Variants in FAM169A observed in about 807,000 individuals in gnomAD.
FAM169A encodes the protein soluble lamin-associated protein of 75 kDa.
FAM169A carries 24 observed loss-of-function variants against 75.7 expected under a neutral mutation model. The ratio of observed to expected loss-of-function variants is 0.32; its 90% CI spans 0.23 to 0.45. The LOEUF (loss-of-function observed/expected upper bound fraction) is 0.45, where lower values mean the gene tolerates loss of function less well. Among genes scored for constraint, FAM169A ranks in the 20% least tolerant of loss-of-function variants. The probability of loss-of-function intolerance (pLI) is 1.00; values close to 1 mark genes in which losing one functional copy is unlikely to be tolerated. For missense variants in FAM169A, 673 were observed against 784.0 expected (o/e 0.86, Z 1.69); for synonymous variants, 271 against 271.0 (o/e 1.00, Z 0.00).
intron 11 of FAM169A, among the ~76,000 whole-genome samples, chr5:74,785,269 A>C (rs549315279): frequency 3.9e-5 from 6 of 152,288 alleles, no homozygotes; most frequent in Admixed American, 1.3e-4. Flanking sequence ...AGTTAAGCCT[A>C]GATTGCACCA....
chr5:74,805,976 C>CAAA (rs370761667), intron 6 of FAM169A, among the ~76,000 whole-genome samples: 2,754 of 85,122 alleles, frequency 0.032, 70 homozygotes, highest in African/African-American at 0.072. Flanking sequence ...TTAAAAGCTC[C>CAAA]AAAAAAAAAA....
At chr5:74,810,935 C>T (rs1202578942) in intron 6 of FAM169A, among the ~76,000 whole-genome samples, 25 of 143,928 alleles carry the variant, frequency 1.7e-4, no homozygotes, top group Non-Finnish European at 2.1e-4. Context: ...CTCAGTCTCT[C>T]GAGTAACTGG....
intron 1 of FAM169A, among the ~76,000 whole-genome samples, chr5:74,851,044 T>C (rs1749415876): frequency 6.8e-6 from 1 of 147,778 alleles, no homozygotes; most frequent in Non-Finnish European, 1.5e-5. Flanking sequence ...GCCTCCTGAA[T>C]GGCTAAGAAT....
intron 5 of FAM169A, among the ~76,000 whole-genome samples, chr5:74,833,420 C>T (rs1561314202): frequency 6.6e-6 from 1 of 152,074 alleles, no homozygotes; most frequent in Non-Finnish European, 1.5e-5. Flanking sequence ...AGAACAGAGA[C>T]AATAAAGGGC....
At chr5:74,837,720 A>G (rs1367273183) in intron 4 of FAM169A, among the ~76,000 whole-genome samples, 2 of 152,204 alleles carry the variant, frequency 1.3e-5, no homozygotes, top group Non-Finnish European at 2.9e-5. Flanking sequence ...AAAAATGAAC[A>G]GTAGCTGGAA....
intron 1 of FAM169A, chr5:74,848,973 T>C (rs1054539055): frequency 1.3e-5 from 2 of 152,280 alleles, no homozygotes; most frequent in African/African-American, 4.8e-5. Context: ...GTCCATGAGA[T>C]AAACCAAAAG....
chr5:74,796,467 G>A (rs975501370), intron 10 of FAM169A, among the ~76,000 whole-genome samples: 3 of 151,226 alleles, frequency 2.0e-5, no homozygotes, highest in African/African-American at 7.3e-5. Flanking sequence ...GTGCAATGGC[G>A]CGATCTCGGC....
intron 1 of FAM169A, among the ~76,000 whole-genome samples, chr5:74,852,602 T>C (rs1419339888): frequency 1.3e-5 from 2 of 151,970 alleles, no homozygotes; most frequent in African/African-American, 4.8e-5. Context: ...AGGCAGATAG[T>C]GGGGAAGACC....
intron 1 of FAM169A, chr5:74,848,656 T>C (rs370087686): frequency 2.8e-4 from 43 of 152,274 alleles, no homozygotes; most frequent in African/African-American, 1.0e-3. Context: ...TGTACTCTCA[T>C]TGGTAACGTG....
chr5:74,795,695 G>T (rs760932221), intron 11 of FAM169A, among the ~76,000 whole-genome samples: 1 of 152,106 alleles, frequency 6.6e-6, no homozygotes, highest in Non-Finnish European at 1.5e-5. Context: ...GTTCTATAAG[G>T]TAGATCTTAT....
chr5:74,847,171 C>T (rs1749197917), intron 1 of FAM169A, among the ~76,000 whole-genome samples: 1 of 152,172 alleles, frequency 6.6e-6, no homozygotes, highest in Non-Finnish European at 1.5e-5. Context: ...ACCATTTTAA[C>T]CATTTTTAAG....
At chr5:74,855,203 G>C (rs1268051883) in intron 1 of FAM169A, among the ~76,000 whole-genome samples, 1 of 152,006 alleles carries the variant, frequency 6.6e-6, no homozygotes, top group African/African-American at 2.4e-5. Flanking sequence ...GTTGGCTTTT[G>C]CTTTTGTTTT....
At chr5:74,838,120 A>G (rs1027403186) in intron 4 of FAM169A, among the ~76,000 whole-genome samples, 5 of 151,370 alleles carry the variant, frequency 3.3e-5, no homozygotes, top group African/African-American at 1.2e-4. Flanking sequence ...ATCCCAAAAA[A>G]AAAAAAAAAA....
At chr5:74,790,896 G>A (rs959507689) in intron 11 of FAM169A, among the ~76,000 whole-genome samples, 5 of 152,190 alleles carry the variant, frequency 3.3e-5, no homozygotes, top group Admixed American at 2.0e-4. Flanking sequence ...ATCATGGAAA[G>A]AGCAGAGGTT....
At chr5:74,822,379 C>T (rs746811916) in intron 5 of FAM169A, among the ~76,000 whole-genome samples, 2 of 152,214 alleles carry the variant, frequency 1.3e-5, no homozygotes, top group Non-Finnish European at 2.9e-5. Context: ...GAATCCCTGA[C>T]TGGGCAGCTC....
chr5:74,822,459 T>TA (rs1747811837), intron 5 of FAM169A, among the ~76,000 whole-genome samples: 1 of 152,102 alleles, frequency 6.6e-6, no homozygotes, highest in Non-Finnish European at 1.5e-5. Flanking sequence ...TCAGCTAACT[T>TA]TCCTCTTATC....
At chr5:74,793,134 G>A (rs1746064056) in intron 11 of FAM169A, among the ~76,000 whole-genome samples, 1 of 152,064 alleles carries the variant, frequency 6.6e-6, no homozygotes, top group African/African-American at 2.4e-5. Context: ...AGACCATCCT[G>A]GCCAACATGG....
Position 74,863,806 on chromosome 5 carries a change from T to C in FAM169A, c.-4+2359A>G, listed in dbSNP as rs180958676. 7.2e-5 allele frequency among the ~76,000 whole-genome samples: 11 copies of C among 152,298 alleles called. No homozygotes were observed. In the South Asian group the frequency reaches 1.4e-3, roughly 20 times the overall value. On this transcript the variant is annotated intron_variant, in intron 1 of 12. Transcript: ENST00000687041. ...ATCTTACCAATTCAGTGAACTTCTC[T>C]GACTTGTATAATAACAGAATCAATG...
intron 6 of FAM169A, among the ~76,000 whole-genome samples, chr5:74,808,013 C>T (rs1007468559): frequency 6.6e-6 from 1 of 152,118 alleles, no homozygotes; most frequent in Non-Finnish European, 1.5e-5. Flanking sequence ...GCAGGAGAAT[C>T]ACTTGAACCC....
Sources: gnomAD v4.1 joint callset for allele counts (sites outside exome capture counted in the v4.1 genomes callset) on GRCh38, gnomAD v4.1.1 for gene constraint, MANE v1.5 for transcripts, NCBI Gene and HGNC (gene_info 2026-07-23, HGNC 2026-07-21) for gene names.